Variants in C14orf39 observed in about 807,000 individuals in gnomAD.
C14orf39 encodes chromosome 14 open reading frame 39, also known as protein SIX6OS1.
A neutral mutation model predicts 85.6 loss-of-function variants in C14orf39; 66 were observed. The ratio of observed to expected loss-of-function variants is 0.77; its 90% CI spans 0.63 to 0.95. The LOEUF is 0.95. Ranked by LOEUF, C14orf39 falls within the 40% of genes least tolerant of loss-of-function variation. C14orf39 has a pLI of 0.00. For synonymous variants in C14orf39, 242 were observed against 214.0 expected (o/e 1.13, Z -1.14); for missense variants, 735 against 663.9 (o/e 1.11, Z -1.18).
intron 17 of C14orf39, among the ~76,000 whole-genome samples, chr14:60,439,381 T>A (rs1890402272): frequency 6.6e-6 from 1 of 152,122 alleles, no homozygotes; most frequent in East Asian, 1.9e-4. Context: ...AGGATGATAT[T>A]GTAACAGTCC....
chr14:60,443,243 G>C (rs1306072883), intron 16 of C14orf39, among the ~76,000 whole-genome samples: 1 of 152,214 alleles, frequency 6.6e-6, no homozygotes, highest in Non-Finnish European at 1.5e-5. Flanking sequence ...GAAGTGCATG[G>C]GGTTGGGGGA....
chr14:60,452,059 C>G (rs1254336), intron 16 of C14orf39, among the ~76,000 whole-genome samples: 2 of 150,170 alleles, frequency 1.3e-5, no homozygotes, highest in Non-Finnish European at 3.0e-5. Flanking sequence ...TGGTGGCACA[C>G]GCCTATAGTC....
intron 11 of C14orf39, among the ~76,000 whole-genome samples, chr14:60,462,397 A>C (rs1431070655): frequency 1.3e-5 from 2 of 152,120 alleles, no homozygotes; most frequent in Non-Finnish European, 2.9e-5. Flanking sequence ...TCTCAAAAAC[A>C]AATTGTTTAA....
Position 60,466,021 on chromosome 14 carries a change from C to T in C14orf39, c.930G>A (p.Lys310=), listed in dbSNP as rs1285287134. The T allele has an allele frequency of 6.4e-7, 1 of 1,562,862 alleles. No individual in the cohort carries two copies. The highest frequency in any genetic ancestry group is 8.6e-7 in the Non-Finnish European group (1 of 1,158,222). Residue 310 remains lysine (K), a synonymous_variant, in exon 11 of 18, where the codon AAG becomes AAA. Coordinates refer to ENST00000321731, the MANE Select transcript of C14orf39 (RefSeq NM_174978.3). ...TTTGTCTAAAGTCAATATTGGCAAGCTTTGACTGCTTCGCAGAACTTTCTT... is the reference window on the plus strand; with the variant it reads ...TTTGTCTAAAGTCAATATTGGCAAGTTTTGACTGCTTCGCAGAACTTTCTT... The part of the protein sequence containing the change: ...IKEESSAKQS[K]LANIDFRQKE...
At chr14:60,470,241 C>G (rs188895279) in intron 7 of C14orf39, among the ~76,000 whole-genome samples, 47 of 151,898 alleles carry the variant, frequency 3.1e-4, no homozygotes, top group Middle Eastern at 3.4e-3. Context: ...AAAAAATCCT[C>G]AGCTATTAAT....
rs542328263 is a variant in C14orf39, at chr14:60,514,825, G to A, written c.-144+570C>T. On this transcript the variant is annotated intron_variant, in intron 1 of 5. Coordinates refer to the C14orf39 transcript ENST00000556799. ...GCTTTTCGCTCTATTCAACGGGGAC[G>A]CGAGAGCGCGGACGATTTCCGCTCC... is the stretch of plus-strand genomic sequence containing the variant. Among the ~76,000 whole-genome samples, 63 of 152,364 alleles carry A rather than the reference G, an allele frequency of 4.1e-4. 1 individual carries two copies. Among genetic ancestry groups the A allele is most frequent in the African/African-American group, 1.4e-3 (57 of 41,590 alleles).
intron 1 of C14orf39, among the ~76,000 whole-genome samples, chr14:60,505,793 G>T (rs1336201431): frequency 6.6e-6 from 1 of 152,222 alleles, no homozygotes; most frequent in Non-Finnish European, 1.5e-5. Context: ...GGAACCCAGA[G>T]GTAGGAAAGT....
At chr14:60,455,903 T>C (rs1260270484) in intron 15 of C14orf39, among the ~76,000 whole-genome samples, 1 of 152,152 alleles carries the variant, frequency 6.6e-6, no homozygotes, top group Non-Finnish European at 1.5e-5. Flanking sequence ...CTGCCATAAC[T>C]ATCTCTATTA....
At chr14:60,475,637 T>G (rs1278582351) in intron 5 of C14orf39, among the ~76,000 whole-genome samples, 2 of 152,164 alleles carry the variant, frequency 1.3e-5, no homozygotes, top group African/African-American at 4.8e-5. Flanking sequence ...CGTGCCATAA[T>G]AGGAGAGTGG....
chr14:60,469,738 G>A, intron 7 of C14orf39, 85 bp from the exon 8 acceptor site: 1 of 626,202 alleles, frequency 1.6e-6, no homozygotes, highest in Non-Finnish European at 2.3e-6. Context: ...AATATTATGT[G>A]ACATCATTTA....
chr14:60,488,692 T>C (rs1207963604), upstream of C14orf39, among the ~76,000 whole-genome samples: 1 of 152,212 alleles, frequency 6.6e-6, no homozygotes, highest in African/African-American at 2.4e-5. Flanking sequence ...GTTTCCTACC[T>C]ACAATTCCTC....
At position 60,509,285 on chromosome 14, in the gene C14orf39, G is replaced by A. The variant is rs886050562; in HGVS notation, c.-144+6110C>T. On this transcript the variant is annotated intron_variant, in intron 1 of 5. Transcript: ENST00000556799. Reference sequence around the variant, plus strand: ...CCGCCGCCACCCGGTAGTGTGTCCCGCTGCCCCAATCCGCCTCATCAACAA... The same window carrying A: ...CCGCCGCCACCCGGTAGTGTGTCCCACTGCCCCAATCCGCCTCATCAACAA... 51 of 922,062 alleles carry A rather than the reference G, an allele frequency of 5.5e-5. No individual in the cohort carries two copies. Among genetic ancestry groups the A allele is most frequent in the Non-Finnish European group, 7.6e-5 (44 of 577,778 alleles). 57.1% of individuals were successfully genotyped at this position (922,062 alleles called of 1,614,324 possible). A position where few individuals can be genotyped will look rare whatever the true frequency, so the allele number is the denominator to read the frequency against.
At chr14:60,442,715 T>G (rs1238569766) in intron 16 of C14orf39, among the ~76,000 whole-genome samples, 1 of 152,230 alleles carries the variant, frequency 6.6e-6, no homozygotes, top group East Asian at 1.9e-4. Context: ...ATACTGGACA[T>G]GTAAGTTGTC....
chr14:60,459,793 T>A (rs1458426046), intron 13 of C14orf39, among the ~76,000 whole-genome samples: 2 of 151,798 alleles, frequency 1.3e-5, no homozygotes, highest in Non-Finnish European at 3.0e-5. Context: ...ACTTTGCACA[T>A]ATTTTTAATT....
intron 5 of C14orf39, among the ~76,000 whole-genome samples, chr14:60,474,094 T>C (rs1892245630): frequency 6.6e-6 from 1 of 152,234 alleles, no homozygotes; most frequent in Non-Finnish European, 1.5e-5. Flanking sequence ...CAGTGGTTTG[T>C]AGTTCTCCTT....
intron 1 of C14orf39, chr14:60,512,258 A>G (rs1893305816): frequency 6.6e-6 from 1 of 152,140 alleles, no homozygotes; most frequent in African/African-American, 2.4e-5. Flanking sequence ...CCTATTTTCT[A>G]AAAATGCAAA....
chr14:60,499,874 A>T (rs1456144470), intron 1 of C14orf39, among the ~76,000 whole-genome samples: 1 of 152,248 alleles, frequency 6.6e-6, no homozygotes, highest in East Asian at 1.9e-4. Flanking sequence ...AATAAATACA[A>T]ATTACCCATA....
chr14:60,460,566 G>A (rs968428005), intron 13 of C14orf39, among the ~76,000 whole-genome samples: 1 of 151,696 alleles, frequency 6.6e-6, no homozygotes, highest in African/African-American at 2.4e-5. Flanking sequence ...TACTTTAATA[G>A]AGCAATTGTT....
chr14:60,441,492 T>C (rs759236850), intron 17 of C14orf39, among the ~76,000 whole-genome samples: 2 of 152,210 alleles, frequency 1.3e-5, no homozygotes, highest in Non-Finnish European at 2.9e-5. Flanking sequence ...AGTCTGACTA[T>C]TCAAGCCCAT....
Sources: gnomAD v4.1 joint callset for allele counts (sites outside exome capture counted in the v4.1 genomes callset) on GRCh38, gnomAD v4.1.1 for gene constraint, MANE v1.5 for transcripts, NCBI Gene and HGNC (gene_info 2026-07-23, HGNC 2026-07-21) for gene names.